The following JCAD variants were observed in gnomAD, a reference collection of about 807,000 sequenced individuals.
JCAD encodes junctional cadherin 5 associated.
Under a neutral mutation model 98.0 loss-of-function variants are expected in JCAD, and 40 were observed. The ratio of observed to expected loss-of-function variants is 0.41; its 90% CI spans 0.32 to 0.53. The LOEUF (loss-of-function observed/expected upper bound fraction) is 0.53. JCAD is among the 20% of genes least tolerant of loss of function. The pLI, the probability that JCAD is intolerant of heterozygous loss-of-function variation, is 0.31. For missense variants in JCAD, 1,705 were observed against 1,738.1 expected (o/e 0.98, Z 0.34); for synonymous variants, 691 against 682.3 (o/e 1.01, Z -0.20).
chr10:30,046,129 C>T (rs1465426108), intron 2 of JCAD, among the ~76,000 whole-genome samples: 1 of 152,142 alleles, frequency 6.6e-6, no homozygotes, highest in African/African-American at 2.4e-5. Flanking sequence ...CATGCAGTTA[C>T]ATAACACGCT....
chr10:30,061,679 G>C (rs1000382222), upstream of JCAD, among the ~76,000 whole-genome samples: 1 of 152,078 alleles, frequency 6.6e-6, no homozygotes, highest in African/African-American at 2.4e-5. Context: ...AGACACAAAG[G>C]CTGGGAAAAT....
chr10:30,106,408 A>C (rs1333673445), intron 1 of JCAD, among the ~76,000 whole-genome samples: 1 of 151,902 alleles, frequency 6.6e-6, no homozygotes, highest in African/African-American at 2.4e-5. Flanking sequence ...TGGGCAACAG[A>C]GCAATACCTT....
rs1398649238 is a variant in JCAD at position 30,106,701 on chromosome 10, A to G, written n.128+8666T>C. 4.6e-5 allele frequency among the ~76,000 whole-genome samples: 7 copies of G among 152,198 alleles called. No homozygotes were observed. In the East Asian group the frequency reaches 1.4e-3, roughly 29 times the overall value. The stretch of plus-strand genomic sequence containing the variant: ...TTTTTAGTAGAGACAGAGTTTCACC[A>G]TGTTGGCCAGGCTGGTCTTGAACTC... On this transcript the variant is annotated intron_variant and non_coding_transcript_variant, in intron 1 of 2. Transcript: ENST00000465712.
Position 30,086,289 on chromosome 10 carries a change from A to G in JCAD, n.129-16468T>C, listed in dbSNP as rs182661562. ...TTTCCCCTCCACACCCTTAGTGGACAAATTTGTGTAACCAGCATGTCAGAG... is the reference window on the plus strand; with the variant it reads ...TTTCCCCTCCACACCCTTAGTGGACGAATTTGTGTAACCAGCATGTCAGAG... On this transcript the variant is annotated intron_variant and non_coding_transcript_variant, in intron 1 of 2. Coordinates refer to the JCAD transcript ENST00000465712. Among the ~76,000 whole-genome samples, 723 of 152,284 alleles carry G rather than the reference A, an allele frequency of 4.7e-3. 6 individuals carry two copies. Among genetic ancestry groups the G allele is most frequent in the South Asian group, 0.044 (210 of 4,820 alleles).
At chr10:30,101,986 T>C (rs1411164587) in intron 1 of JCAD, among the ~76,000 whole-genome samples, 1 of 152,118 alleles carries the variant, frequency 6.6e-6, no homozygotes, top group African/African-American at 2.4e-5. Flanking sequence ...GTGTGGTCTT[T>C]GCCTGGGAAA....
intron 1 of JCAD, among the ~76,000 whole-genome samples, chr10:30,079,383 C>A (rs574206864): frequency 6.7e-6 from 1 of 150,290 alleles, no homozygotes. Context: ...GTAATCATCA[C>A]AGGGGCTTCT....
At chr10:30,114,396 A>G (rs1838756689) in intron 1 of JCAD, among the ~76,000 whole-genome samples, 2 of 152,286 alleles carry the variant, frequency 1.3e-5, no homozygotes, top group South Asian at 4.1e-4. Flanking sequence ...TGATTGATTG[A>G]TTTGGCTTTA....
rs1435279017 is a variant in JCAD, at chr10:30,027,405, T to C, written c.2743A>G (p.Ser915Gly). The C allele has an allele frequency of 6.2e-7, 1 of 1,605,738 alleles. No homozygotes were observed. Among genetic ancestry groups the C allele is most frequent in the Non-Finnish European group, 8.5e-7 (1 of 1,179,984 alleles). ...RSGRGESKSE[S>G]WSEELQPGHP... Reference sequence around the variant, plus strand: ...CCAGGCTGCAGCTCCTCACTCCAGCTCTCAGACTTACTCTCACCTCTTCCC... The same window carrying C: ...CCAGGCTGCAGCTCCTCACTCCAGCCCTCAGACTTACTCTCACCTCTTCCC... Residue 915 changes from serine to glycine, a missense_variant, in exon 3 of 4, where the codon AGC becomes GGC. Ser to Gly is a moderately conservative substitution (Grantham distance 56). Coordinates refer to ENST00000375377, the MANE Select transcript of JCAD (RefSeq NM_020848.4).
chr10:30,064,033 C>A (rs991495736), upstream of JCAD, among the ~76,000 whole-genome samples: 3 of 152,120 alleles, frequency 2.0e-5, no homozygotes, highest in Admixed American at 1.3e-4. Flanking sequence ...TCTCGAACTC[C>A]TGACCTTGCG....
At chr10:30,035,577 C>T (rs542687204) in intron 2 of JCAD, among the ~76,000 whole-genome samples, 13 of 152,320 alleles carry the variant, frequency 8.5e-5, no homozygotes, top group East Asian at 5.8e-4. Flanking sequence ...CGCTATAGGA[C>T]GCCCATTACC....
chr10:30,030,714 G>A (rs1021992482), intron 2 of JCAD, among the ~76,000 whole-genome samples: 2 of 152,008 alleles, frequency 1.3e-5, no homozygotes, highest in Non-Finnish European at 2.9e-5. Context: ...CTGGAGAGGG[G>A]CTCTATAATC....
intron 1 of JCAD, among the ~76,000 whole-genome samples, chr10:30,082,435 T>C (rs1186198855): frequency 6.6e-6 from 1 of 152,134 alleles, no homozygotes; most frequent in Non-Finnish European, 1.5e-5. Flanking sequence ...AAAGATGATA[T>C]GGGCCGGGCG....
At chr10:30,114,873 A>G (rs961660829) in intron 1 of JCAD, among the ~76,000 whole-genome samples, 23 of 152,130 alleles carry the variant, frequency 1.5e-4, no homozygotes, top group Admixed American at 7.2e-4. Flanking sequence ...TACATAATAG[A>G]TGATAGATAG....
At chr10:30,077,006 T>C (rs149908288) in intron 1 of JCAD, among the ~76,000 whole-genome samples, 2,172 of 152,226 alleles carry the variant, frequency 0.014, 56 homozygotes, top group African/African-American at 0.049. Context: ...ACATATTTGA[T>C]TGAACTTGGA....
chr10:30,111,667 C>A (rs904908502), intron 1 of JCAD, among the ~76,000 whole-genome samples: 1 of 152,032 alleles, frequency 6.6e-6, no homozygotes, highest in Admixed American at 6.5e-5. Context: ...AAAGGAAATA[C>A]AAAGTGAATG....
Position 30,029,059 on chromosome 10 carries a change from G to A in JCAD, c.1089C>T (p.Pro363=). ...IPNPYLEDTV[P]INVCGGHSQQ... ...GACTGTGACCGCCACACACATTTAT[G>A]GGCACCGTGTCTTCCAAGTAGGGGT... Residue 363 remains proline (P), a synonymous_variant, in exon 3 of 4, where the codon CCC becomes CCT. Coordinates refer to ENST00000375377, the MANE Select transcript of JCAD (RefSeq NM_020848.4). 1 of 1,614,112 alleles carries A rather than the reference G, an allele frequency of 6.2e-7. No individual in the cohort carries two copies. Among genetic ancestry groups the A allele is most frequent in the East Asian group, 2.2e-5 (1 of 44,872 alleles).
intron 1 of JCAD, among the ~76,000 whole-genome samples, chr10:30,113,148 G>T (rs1428467440): frequency 6.6e-6 from 1 of 152,160 alleles, no homozygotes. Flanking sequence ...AATGAAGGTG[G>T]TCATGGGGTT....
chr10:30,109,032 G>A (rs1838640159), intron 1 of JCAD, among the ~76,000 whole-genome samples: 1 of 152,104 alleles, frequency 6.6e-6, no homozygotes, highest in African/African-American at 2.4e-5. Context: ...GGAGACAGAG[G>A]GCCACAGAGC....
Position 30,027,416 on chromosome 10 carries a change from C to T in JCAD, c.2732G>A (p.Ser911Asn), listed in dbSNP as rs1179208124. 3 of 1,604,746 alleles carry T rather than the reference C, an allele frequency of 1.9e-6. No individual in the cohort carries two copies. The highest frequency in any genetic ancestry group is 1.1e-5 in the South Asian group (1 of 91,064). ...SPVCRSGRGESKSESWSEELQ... is the reference protein window; with the variant it reads ...SPVCRSGRGENKSESWSEELQ... The stretch of plus-strand genomic sequence containing the variant: ...CTCCTCACTCCAGCTCTCAGACTTA[C>T]TCTCACCTCTTCCCGACCTACACAC... The change falls in exon 3 of 4, where the codon AGT becomes AAT. Residue 911 changes from serine (S) to asparagine (N), a missense_variant. Ser to Asn is a conservative substitution (Grantham distance 46). Coordinates refer to ENST00000375377, the MANE Select transcript of JCAD (RefSeq NM_020848.4).
Sources: allele counts gnomAD v4.1 joint callset (sites outside exome capture counted in the v4.1 genomes callset), GRCh38; gene constraint gnomAD v4.1.1; transcripts MANE v1.5; gene names NCBI Gene and HGNC (gene_info 2026-07-23, HGNC 2026-07-21).